The following PRELID2 variants were observed in gnomAD, a reference collection of about 807,000 sequenced individuals.
PRELID2 encodes PRELI domain-containing protein 2.
A neutral mutation model predicts 28.4 loss-of-function variants in PRELID2; 25 were observed. That is an observed-to-expected ratio of 0.88 (90% confidence interval 0.64 to 1.23). The LOEUF is 1.23. PRELID2 is among the 50% of genes most tolerant of loss of function. PRELID2 has a pLI of 0.00. For missense variants in PRELID2, 201 were observed against 214.4 expected (o/e 0.94, Z 0.39); for synonymous variants, 76 against 71.6 (o/e 1.06, Z -0.31).
At chr5:145,747,368 T>C (rs186765693) in intron 1 of PRELID2, among the ~76,000 whole-genome samples, 5 of 151,516 alleles carry the variant, frequency 3.3e-5, no homozygotes, top group Admixed American at 3.3e-4. Context: ...CACAGAAATA[T>C]AAATTACCAT....
chr5:145,691,593 C>T (rs1001487794), intron 1 of PRELID2, among the ~76,000 whole-genome samples: 3 of 152,088 alleles, frequency 2.0e-5, no homozygotes, highest in Non-Finnish European at 2.9e-5. Flanking sequence ...TGGCACGTGC[C>T]TGTAGTCCCA....
At chr5:145,706,482 C>T (rs1755550848) in intron 1 of PRELID2, among the ~76,000 whole-genome samples, 1 of 152,156 alleles carries the variant, frequency 6.6e-6, no homozygotes, top group African/African-American at 2.4e-5. Flanking sequence ...CCCACTCAAA[C>T]TCTAACCACG....
Position 145,724,614 on chromosome 5 carries a change from T to A in PRELID2, n.70+40317A>T, listed in dbSNP as rs1386684229. On this transcript the variant is annotated intron_variant and non_coding_transcript_variant, in intron 1 of 2. Transcript: ENST00000510259. ...AGAAGTAAATAAATATATATATATA[T>A]ATATATATATATATATATATATATA... 3.5e-3 allele frequency among the ~76,000 whole-genome samples: 207 copies of A among 58,628 alleles called. 7 individuals carry two copies. The highest frequency in any genetic ancestry group is 0.019 in the African/African-American group (203 of 10,848). The allele number at this position is 58,628 out of a possible 152,430, so 38.5% of individuals were successfully genotyped here.
chr5:145,646,223 GTT>G (rs755028494), intron 1 of PRELID2, among the ~76,000 whole-genome samples: 11 of 152,080 alleles, frequency 7.2e-5, no homozygotes, highest in Non-Finnish European at 1.2e-4. Flanking sequence ...TGGAGGCTTT[GTT>G]TGTTCCTTTT....
chr5:145,318,021 C>A, the PRELID2 span, among the ~76,000 whole-genome samples: 1 of 152,128 alleles, frequency 6.6e-6, no homozygotes, highest in Non-Finnish European at 1.5e-5. Context: ...ATTCTCAGGG[C>A]AGGCATTATT....
chr5:145,417,761 C>G, the PRELID2 span, among the ~76,000 whole-genome samples: 1 of 152,044 alleles, frequency 6.6e-6, no homozygotes, highest in East Asian at 1.9e-4. Context: ...ATAATAAGAG[C>G]CATACACGAT....
chr5:145,369,239 C>A, the PRELID2 span, among the ~76,000 whole-genome samples: 2 of 151,848 alleles, frequency 1.3e-5, no homozygotes, highest in Admixed American at 1.3e-4. Context: ...TAGTTTGCTG[C>A]ACCTATTAAC....
chr5:145,481,782 T>A (rs1176163852), intron 1 of PRELID2, among the ~76,000 whole-genome samples: 2 of 152,128 alleles, frequency 1.3e-5, no homozygotes, highest in Non-Finnish European at 2.9e-5. Flanking sequence ...ATGCCTCATA[T>A]ATACAAAATA....
chr5:145,360,303 G>C, the PRELID2 span, among the ~76,000 whole-genome samples: 1 of 152,182 alleles, frequency 6.6e-6, no homozygotes, highest in East Asian at 1.9e-4. Context: ...CATTTCTAAG[G>C]CACTGAGCAG....
the PRELID2 span, among the ~76,000 whole-genome samples, chr5:145,458,962 C>T: frequency 6.6e-6 from 1 of 152,158 alleles, no homozygotes; most frequent in Non-Finnish European, 1.5e-5. Flanking sequence ...GAGGATCCAA[C>T]AGAGCATGAA....
the PRELID2 span, among the ~76,000 whole-genome samples, chr5:145,338,827 C>T: frequency 6.6e-6 from 1 of 152,160 alleles, no homozygotes; most frequent in African/African-American, 2.4e-5. Context: ...TGCCTGGCTC[C>T]AATGCCTATG....
chr5:145,425,594 C>T, the PRELID2 span, among the ~76,000 whole-genome samples: 37 of 152,210 alleles, frequency 2.4e-4, no homozygotes, highest in African/African-American at 7.5e-4. Context: ...AACAAGATTA[C>T]GTCCTTTGTT....
intron 1 of PRELID2, among the ~76,000 whole-genome samples, chr5:145,745,892 C>CAGAAT (rs1169648613): frequency 6.7e-6 from 1 of 149,142 alleles, no homozygotes; most frequent in Non-Finnish European, 1.5e-5. Flanking sequence ...ATTTTCAATC[C>CAGAAT]AGAATTTCAT....
chr5:145,513,457 G>A (rs761308954), intron 1 of PRELID2, among the ~76,000 whole-genome samples: 3 of 151,794 alleles, frequency 2.0e-5, no homozygotes, highest in Non-Finnish European at 4.4e-5. Flanking sequence ...GAAAATGAAC[G>A]AACAAAGCCT....
At chr5:145,345,468 G>A in the PRELID2 span, among the ~76,000 whole-genome samples, 1 of 151,932 alleles carries the variant, frequency 6.6e-6, no homozygotes, top group Admixed American at 6.6e-5. Flanking sequence ...TAGAAATACT[G>A]CAAGAAGAAT....
the PRELID2 span, chr5:145,450,847 T>A: frequency 6.6e-6 from 1 of 152,238 alleles, no homozygotes; most frequent in South Asian, 2.1e-4. Flanking sequence ...GTCAAAGGCA[T>A]AGAAAAATTG....
At chr5:145,828,135 T>C (rs1453497435) in intron 1 of PRELID2, among the ~76,000 whole-genome samples, 1 of 152,216 alleles carries the variant, frequency 6.6e-6, no homozygotes, top group Non-Finnish European at 1.5e-5. Context: ...TGAATTGGAA[T>C]CCTATCTGTG....
chr5:145,564,686 T>C (rs867715), intron 1 of PRELID2, among the ~76,000 whole-genome samples: 26,713 of 152,260 alleles, frequency 0.18, 3,188 homozygotes, highest in Non-Finnish European at 0.27. Context: ...AGCACAGCTC[T>C]ACAGACCACT....
At chr5:145,241,968 G>T in the PRELID2 span, among the ~76,000 whole-genome samples, 1 of 151,984 alleles carries the variant, frequency 6.6e-6, no homozygotes, top group South Asian at 2.1e-4. Flanking sequence ...TCCCCATAAT[G>T]GTTCTGCAGT....
Sources: allele counts gnomAD v4.1 joint callset (sites outside exome capture counted in the v4.1 genomes callset), GRCh38; gene constraint gnomAD v4.1.1; transcripts MANE v1.5; gene names NCBI Gene and HGNC (gene_info 2026-07-23, HGNC 2026-07-21).